Variants in TRIM24 observed in about 807,000 individuals in gnomAD.
The protein encoded by TRIM24 is tripartite motif containing 24.
Under a neutral mutation model 123.9 loss-of-function variants are expected in TRIM24, and 29 were observed. That is an observed-to-expected ratio of 0.23 (90% CI 0.17 to 0.32). The LOEUF (loss-of-function observed/expected upper bound fraction) is 0.32, where lower values mean the gene tolerates loss of function less well. TRIM24 is among the 10% of genes least tolerant of loss of function. The probability of loss-of-function intolerance (pLI) is 1.00; values close to 1 mark genes in which losing one functional copy is unlikely to be tolerated. For missense variants in TRIM24, 932 were observed against 1,295.3 expected (o/e 0.72, Z 4.31); for synonymous variants, 456 against 461.1 (o/e 0.99, Z 0.14).
At position 138,460,418 on chromosome 7, in the gene TRIM24, C is replaced by G; in HGVS notation, c.-131C>G. The stretch of plus-strand genomic sequence containing the variant: ...GCTTCCCCCGCCCGGTTTGCTTTCC[C>G]TCCCTCGCTGGCGCTGCCGCGAGTC... On this transcript the variant is annotated 5_prime_UTR_variant, in exon 1 of 19. Transcript: ENST00000343526. The G allele has an allele frequency of 9.6e-7, 1 of 1,044,486 alleles. No homozygotes were observed. The allele number at this position is 1,044,486 out of a possible 1,614,324, so 64.7% of individuals were successfully genotyped here.
At chr7:138,571,701 G>A (rs988614962) in intron 11 of TRIM24, among the ~76,000 whole-genome samples, 1 of 152,190 alleles carries the variant, frequency 6.6e-6, no homozygotes, top group Non-Finnish European at 1.5e-5. Flanking sequence ...CTCTTTGTCA[G>A]TATGACTTTT....
chr7:138,476,391 G>A (rs1164734288), intron 1 of TRIM24, among the ~76,000 whole-genome samples: 3 of 151,840 alleles, frequency 2.0e-5, no homozygotes, highest in Non-Finnish European at 2.9e-5. Context: ...TCAGGAGTCC[G>A]AGACCAGCCT....
intron 11 of TRIM24, among the ~76,000 whole-genome samples, chr7:138,572,730 T>C (rs1797683112): frequency 1.3e-5 from 2 of 152,340 alleles, no homozygotes; most frequent in East Asian, 1.9e-4. Flanking sequence ...TGTTAAAGAA[T>C]TGAACTGGAT....
At chr7:138,563,583 G>A (rs1797471608) in intron 9 of TRIM24, among the ~76,000 whole-genome samples, 1 of 152,160 alleles carries the variant, frequency 6.6e-6, no homozygotes, top group African/African-American at 2.4e-5. Context: ...ACTCCTATAA[G>A]TTGGGTGGCA....
chr7:138,558,704 T>C (rs2116644582), intron 9 of TRIM24, among the ~76,000 whole-genome samples: 1 of 152,378 alleles, frequency 6.6e-6, no homozygotes, highest in Non-Finnish European at 1.5e-5. Flanking sequence ...CTGAGTTTAC[T>C]TTTTGACCTT....
intron 1 of TRIM24, among the ~76,000 whole-genome samples, chr7:138,479,076 T>G (rs1488640308): frequency 1.2e-4 from 19 of 152,214 alleles, no homozygotes; most frequent in Non-Finnish European, 7.3e-5. Flanking sequence ...CTTTTTATCT[T>G]CATTTCCTGA....
At chr7:138,576,820 T>G (rs1797771045) in intron 13 of TRIM24, among the ~76,000 whole-genome samples, 1 of 152,204 alleles carries the variant, frequency 6.6e-6, no homozygotes, top group South Asian at 2.1e-4. Context: ...TACTTTAAAA[T>G]AAATATACAG....
intron 11 of TRIM24, 152 bp from the exon 12 acceptor site, chr7:138,573,355 G>C (rs1181184539): frequency 1.5e-6 from 1 of 658,086 alleles, no homozygotes; most frequent in East Asian, 3.3e-5. Flanking sequence ...GGTTGTTTAT[G>C]GGGAAAATAT....
chr7:138,530,478 T>G (rs1020791398), intron 6 of TRIM24, among the ~76,000 whole-genome samples: 3 of 152,028 alleles, frequency 2.0e-5, no homozygotes, highest in Admixed American at 6.6e-5. Context: ...AAAAAAAATT[T>G]TTTTTGAGAC....
chr7:138,474,355 G>A (rs1329937883), intron 1 of TRIM24, among the ~76,000 whole-genome samples: 2 of 151,888 alleles, frequency 1.3e-5, no homozygotes, highest in African/African-American at 4.8e-5. Flanking sequence ...TCTATCTCCT[G>A]ACCTCGTGAT....
At chr7:138,498,360 G>T (rs1047556482) in intron 1 of TRIM24, among the ~76,000 whole-genome samples, 1 of 151,936 alleles carries the variant, frequency 6.6e-6, no homozygotes, top group African/African-American at 2.4e-5. Context: ...GAGTAGCTGG[G>T]ATTACAGGCG....
At chr7:138,492,448 G>A (rs1269765015) in intron 1 of TRIM24, among the ~76,000 whole-genome samples, 1 of 152,072 alleles carries the variant, frequency 6.6e-6, no homozygotes, top group African/African-American at 2.4e-5. Context: ...TTACCGTCTT[G>A]ATAATGTCCT....
chr7:138,535,017 A>G (rs1053155954), intron 6 of TRIM24, among the ~76,000 whole-genome samples: 3 of 152,072 alleles, frequency 2.0e-5, no homozygotes, highest in Admixed American at 6.5e-5. Context: ...AGTCTGTTTT[A>G]TCAGAGACTA....
rs887444634 is a variant in TRIM24, at chr7:138,587,510, A to G, written c.*2559A>G. 1.3e-5 allele frequency: 2 copies of G among 152,172 alleles called. No homozygotes were observed. The highest frequency in any genetic ancestry group is 2.9e-5 in the Non-Finnish European group (2 of 68,038). 9.4% of individuals were successfully genotyped at this position (152,172 alleles called of 1,614,324 possible). A position where few individuals can be genotyped will look rare whatever the true frequency, so the allele number is the denominator to read the frequency against. The stretch of plus-strand genomic sequence containing the variant: ...TGTTCAAATAGAAATAAACCATAAA[A>G]TGAGCCTAACTATAACCCACACTCA... On this transcript the variant is annotated 3_prime_UTR_variant, in exon 19 of 19. Coordinates refer to ENST00000343526, the MANE Select transcript of TRIM24 (RefSeq NM_015905.3).
chr7:138,586,671 T>TTTGA lies in TRIM24; in HGVS notation c.*1722_*1725dup, dbSNP rs1298238427. On this transcript the variant is annotated 3_prime_UTR_variant, in exon 19 of 19. Coordinates refer to ENST00000343526, the MANE Select transcript of TRIM24 (RefSeq NM_015905.3). ...TTCTCCAAAGAGTGTTTGAACAGAT[T>TTTGA]TTGATAACAGTGCATACACCTTTTG... The TTTGA allele has an allele frequency of 2.0e-5, 3 of 152,248 alleles. No individual in the cohort carries two copies. The highest frequency in any genetic ancestry group is 7.2e-5 in the African/African-American group (3 of 41,458). The allele number at this position is 152,248 out of a possible 1,614,324, so 9.4% of individuals were successfully genotyped here. A position where few individuals can be genotyped will look rare whatever the true frequency, so the allele number is the denominator to read the frequency against.
At chr7:138,545,567 T>G in intron 7 of TRIM24, 1 of 455,934 alleles carries the variant, frequency 2.2e-6, no homozygotes, top group South Asian at 1.5e-5. Context: ...TTTATTTTTA[T>G]TCTTGGACTC....
At chr7:138,496,944 T>A (rs1795920720) in intron 1 of TRIM24, among the ~76,000 whole-genome samples, 1 of 152,196 alleles carries the variant, frequency 6.6e-6, no homozygotes, top group Non-Finnish European at 1.5e-5. Flanking sequence ...ATGATGTATA[T>A]GTATTTTTAT....
chr7:138,576,895 CCTAG>C (rs1411864228), intron 13 of TRIM24, among the ~76,000 whole-genome samples: 1 of 152,198 alleles, frequency 6.6e-6, no homozygotes, highest in Non-Finnish European at 1.5e-5. Context: ...GAAAATTCCT[CCTAG>C]CTAGTGAACC....
At chr7:138,502,711 AT>A (rs1368747118) in intron 1 of TRIM24, among the ~76,000 whole-genome samples, 2 of 152,186 alleles carry the variant, frequency 1.3e-5, no homozygotes, top group African/African-American at 4.8e-5. Context: ...CGTTTACTCC[AT>A]CTTCTCTGAA....
Sources: gnomAD v4.1 joint callset for allele counts (sites outside exome capture counted in the v4.1 genomes callset) on GRCh38, gnomAD v4.1.1 for gene constraint, MANE v1.5 for transcripts, NCBI Gene and HGNC (gene_info 2026-07-23, HGNC 2026-07-21) for gene names.